Variants in BRME1 observed in about 807,000 individuals in gnomAD.
BRME1 encodes break repair meiotic recombinase recruitment factor 1, also known as BRCA2 and MEILB2-associating protein 1.
In BRME1, 31 loss-of-function variants were observed where a neutral mutation model predicts 52.6. The ratio of observed to expected loss-of-function variants is 0.59; its 90% confidence interval spans 0.44 to 0.80. The LOEUF (loss-of-function observed/expected upper bound fraction) is 0.80. BRME1 is among the 30% of genes least tolerant of loss of function. BRME1 has a pLI of 0.00. For missense variants in BRME1, 804 were observed against 860.3 expected (o/e 0.93, Z 0.82); for synonymous variants, 359 against 353.6 (o/e 1.02, Z -0.17).
At chr19:13,897,559 C>T (rs1969994312) in intron 2 of BRME1, among the ~76,000 whole-genome samples, 1 of 152,102 alleles carries the variant, frequency 6.6e-6, no homozygotes, top group Non-Finnish European at 1.5e-5. Context: ...TATCTTTGTC[C>T]ATGATTAAAA....
intron 2 of BRME1, among the ~76,000 whole-genome samples, chr19:13,902,242 T>A (rs8103766): frequency 6.6e-6 from 1 of 151,426 alleles, no homozygotes; most frequent in African/African-American, 2.4e-5. Flanking sequence ...AGGAGGCTGA[T>A]GCAAGAGAAT....
rs1969620117 is a variant in BRME1 at position 13,892,983 on chromosome 19, T to C, written c.289-93A>G. 2.9e-6 allele frequency: 4 copies of C among 1,393,310 alleles called. No individual in the cohort carries two copies. The East Asian group carries it at 9.4e-5, about 33-fold the overall frequency. The allele number at this position is 1,393,310 out of a possible 1,614,324, so 86.3% of individuals were successfully genotyped here. On this transcript the variant is annotated intron_variant, in intron 4 of 8. Transcript: ENST00000586783. ...CAACCCCAAACCTGCTCCTTTCTTG[T>C]AGCCTTGAGAGAACTCCACCCTTGC...
chr19:13,887,224 T>C (rs181760963), intron 6 of BRME1, among the ~76,000 whole-genome samples: 228 of 152,296 alleles, frequency 1.5e-3, no homozygotes, highest in Non-Finnish European at 2.4e-3. Context: ...CCCCTGCCCA[T>C]GTTGGGAGAC....
At chr19:13,896,126 C>T (rs1297962877) in intron 2 of BRME1, among the ~76,000 whole-genome samples, 3 of 151,960 alleles carry the variant, frequency 2.0e-5, no homozygotes, top group African/African-American at 7.3e-5. Flanking sequence ...AAAAATTAGC[C>T]GGGCATGGTG....
intron 5 of BRME1, among the ~76,000 whole-genome samples, chr19:13,891,544 T>C (rs1266080638): frequency 6.6e-6 from 1 of 151,948 alleles, no homozygotes; most frequent in African/African-American, 2.4e-5. Flanking sequence ...CACGGCTCAC[T>C]GTAGTTTTGA....
Position 13,883,006 on chromosome 19 carries a change from A to G in BRME1, c.1857-54T>C. On this transcript the variant is annotated intron_variant, in intron 8 of 8. Coordinates refer to ENST00000586783, the MANE Select transcript of BRME1 (RefSeq NM_001345843.2). This position sits in a 1 kb window ranked among gnomAD's most constrained non-coding sequence, Gnocchi z 4.2. The stretch of plus-strand genomic sequence containing the variant: ...GGGCTCAGTGGTCACCAGGTGACAG[A>G]GGGGGCCGCGCCTCACAGCCACATG... The G allele has an allele frequency of 6.3e-7, 1 of 1,580,974 alleles. No homozygotes were observed. The highest frequency in any genetic ancestry group is 8.6e-7 in the Non-Finnish European group (1 of 1,164,916).
rs2145099560 is a variant in BRME1, at chr19:13,883,635, G to A, written c.1764-235C>T. Reference sequence around the variant, plus strand: ...GCCCTCTCAGGACGCTGCTGCCACCGCCTCCCTATCTCCTGCCCCTGTGGC... The same window carrying A: ...GCCCTCTCAGGACGCTGCTGCCACCACCTCCCTATCTCCTGCCCCTGTGGC... On this transcript the variant is annotated intron_variant, in intron 7 of 8. Transcript: ENST00000586783. This position sits in a 1 kb window ranked among gnomAD's most constrained non-coding sequence, Gnocchi z 4.2. The A allele has an allele frequency of 8.3e-6, 4 of 483,232 alleles. No homozygotes were observed. The highest frequency in any genetic ancestry group is 2.7e-5 in the South Asian group (1 of 36,788). 29.9% of individuals were successfully genotyped at this position (483,232 alleles called of 1,614,324 possible).
chr19:13,895,067 C>G (rs1391287436), intron 3 of BRME1, among the ~76,000 whole-genome samples: 1 of 151,842 alleles, frequency 6.6e-6, no homozygotes, highest in Admixed American at 6.6e-5. Context: ...TTAGTAGAGA[C>G]GGGGTTTTGC....
At position 13,883,166 on chromosome 19, in the gene BRME1, C is replaced by T; in HGVS notation, c.1856+142G>A. ...TTCTGCAAAGGACGGGGGAGGGGGG[C>T]CACGGTGAGGACCCAGCAGCAGTGA... is the stretch of plus-strand genomic sequence containing the variant. On this transcript the variant is annotated intron_variant, in intron 8 of 8. Transcript: ENST00000586783. The surrounding 1 kb of genome is among the most constrained non-coding windows in gnomAD (Gnocchi z 4.2). 1.0e-6 allele frequency: 1 copy of T among 961,988 alleles called. No individual in the cohort carries two copies. Among genetic ancestry groups the T allele is most frequent in the South Asian group, 1.6e-5 (1 of 62,276 alleles). 59.6% of individuals were successfully genotyped at this position (961,988 alleles called of 1,614,324 possible). A position where few individuals can be genotyped will look rare whatever the true frequency, so the allele number is the denominator to read the frequency against.
rs1968808304 is a variant in BRME1, at chr19:13,883,832, T to C, written c.1764-432A>G. ...GACTCCTGGCCATTCCTTGAGCACC[T>C]CTCAGGATTCTGGAATGTTCTTTCC... On this transcript the variant is annotated intron_variant, in intron 7 of 8. Transcript: ENST00000586783. This position sits in a 1 kb window ranked among gnomAD's most constrained non-coding sequence, Gnocchi z 4.2. Among the ~76,000 whole-genome samples, 1 of 145,694 alleles carries C rather than the reference T, an allele frequency of 6.9e-6. No individual in the cohort carries two copies. The highest frequency in any genetic ancestry group is 2.6e-5 in the African/African-American group (1 of 38,388).
At chr19:13,903,260 T>G (rs1433266322) in intron 2 of BRME1, among the ~76,000 whole-genome samples, 1 of 152,130 alleles carries the variant, frequency 6.6e-6, no homozygotes, top group Non-Finnish European at 1.5e-5. Context: ...TGGAGGACAT[T>G]TGGGGCTGGA....
At chr19:13,887,303 C>A (rs1481319571) in intron 6 of BRME1, among the ~76,000 whole-genome samples, 1 of 152,228 alleles carries the variant, frequency 6.6e-6, no homozygotes, top group Admixed American at 6.5e-5. Flanking sequence ...TTGCCTGGGT[C>A]GCCTCAACTT....
chr19:13,883,187 A>T lies in BRME1; in HGVS notation c.1856+121T>A. 9.9e-7 allele frequency: 1 copy of T among 1,009,366 alleles called. No homozygotes were observed. Among genetic ancestry groups the T allele is most frequent in the Non-Finnish European group, 1.5e-6 (1 of 689,226 alleles). The allele number at this position is 1,009,366 out of a possible 1,614,324, so 62.5% of individuals were successfully genotyped here. A position where few individuals can be genotyped will look rare whatever the true frequency, so the allele number is the denominator to read the frequency against. On this transcript the variant is annotated intron_variant, in intron 8 of 8. Transcript: ENST00000586783. This position sits in a 1 kb window ranked among gnomAD's most constrained non-coding sequence, Gnocchi z 4.2. The stretch of plus-strand genomic sequence containing the variant: ...GGGGCCACGGTGAGGACCCAGCAGC[A>T]GTGAGGTGCCTGACCCTCGCTGCCC...
At chr19:13,903,680 AAAAAAAAT>A (rs1180506151) in intron 2 of BRME1, among the ~76,000 whole-genome samples, 1 of 151,826 alleles carries the variant, frequency 6.6e-6, no homozygotes, top group African/African-American at 2.4e-5. Flanking sequence ...CTCCAAAAAA[AAAAAAAAT>A]AAAGTCTCCA....
chr19:13,896,358 T>A (rs892671322), intron 2 of BRME1, among the ~76,000 whole-genome samples: 2 of 147,724 alleles, frequency 1.4e-5, no homozygotes, highest in Admixed American at 6.8e-5. Flanking sequence ...TATATAATTA[T>A]AATGTATTTA....
intron 2 of BRME1, among the ~76,000 whole-genome samples, chr19:13,901,945 T>C (rs1333909756): frequency 6.8e-6 from 1 of 147,448 alleles, no homozygotes; most frequent in East Asian, 2.0e-4. Flanking sequence ...GAGGCTGAGG[T>C]GGGAAGATCA....
intron 6 of BRME1, among the ~76,000 whole-genome samples, chr19:13,886,338 T>C (rs939962266): frequency 1.3e-5 from 2 of 152,186 alleles, no homozygotes; most frequent in African/African-American, 4.8e-5. Flanking sequence ...TCCCACAGGC[T>C]GATCTGGGCA....
rs372481161 is a variant in BRME1 at position 13,885,964 on chromosome 19, G to A, written c.1760C>T (p.Pro587Leu). ...TTCTCACCCACGCCACACCTACCTCGGCTGGGCCTTGGCCACTGCAACAGG... is the reference window on the plus strand; with the variant it reads ...TTCTCACCCACGCCACACCTACCTCAGCTGGGCCTTGGCCACTGCAACAGG... The part of the protein sequence containing the change: ...GDPVAVAKAQ[P>L]RTFVGIQASE... Residue 587 changes from proline (P) to leucine (L), a missense_variant, in exon 7 of 9, where the codon CCG becomes CTG. Physicochemically the swap from Pro to Leu is moderately conservative, Grantham distance 98 (BLOSUM62 -3). Coordinates refer to ENST00000586783, the MANE Select transcript of BRME1 (RefSeq NM_001345843.2). 156 of 1,613,598 alleles carry A rather than the reference G, an allele frequency of 9.7e-5. 1 individual carries two copies. In the South Asian group the frequency reaches 1.3e-3, roughly 14 times the overall value.
Position 13,883,466 on chromosome 19 carries a change from G to C in BRME1, c.1764-66C>G. The C allele has an allele frequency of 8.0e-7, 1 of 1,245,854 alleles. No individual in the cohort carries two copies. Among genetic ancestry groups the C allele is most frequent in the Non-Finnish European group, 1.1e-6 (1 of 885,320 alleles). The allele number at this position is 1,245,854 out of a possible 1,614,324, so 77.2% of individuals were successfully genotyped here. Reference sequence around the variant, plus strand: ...CTGGACTACCAGAGCTCTCCAGTGGGAGGGGCTTCCGCAGGGCCTCGCGCC... The same window carrying C: ...CTGGACTACCAGAGCTCTCCAGTGGCAGGGGCTTCCGCAGGGCCTCGCGCC... On this transcript the variant is annotated intron_variant, in intron 7 of 8. Coordinates refer to ENST00000586783, the MANE Select transcript of BRME1 (RefSeq NM_001345843.2). This position sits in a 1 kb window ranked among gnomAD's most constrained non-coding sequence, Gnocchi z 4.2.
Sources: gnomAD v4.1 joint callset for allele counts (sites outside exome capture counted in the v4.1 genomes callset) on GRCh38, gnomAD v4.1.1 for gene constraint, Gnocchi (gnomAD v3.1) non-coding constraint, MANE v1.5 for transcripts, NCBI Gene and HGNC (gene_info 2026-07-23, HGNC 2026-07-21) for gene names.